The following TMTC2 variants were observed in gnomAD, a reference collection of about 807,000 sequenced individuals.
TMTC2 encodes the protein protein O-mannosyl-transferase TMTC2.
TMTC2 carries 43 observed loss-of-function variants against 82.4 expected under a neutral mutation model. The ratio of observed to expected loss-of-function variants is 0.52; its 90% CI spans 0.41 to 0.67. The LOEUF (loss-of-function observed/expected upper bound fraction) is 0.67, where lower values mean the gene tolerates loss of function less well. Ranked by LOEUF, TMTC2 falls within the 30% of genes least tolerant of loss-of-function variation. The pLI, the probability that TMTC2 is intolerant of heterozygous loss-of-function variation, is 0.00. For missense variants in TMTC2, 919 were observed against 1,012.4 expected (o/e 0.91, Z 1.25); for synonymous variants, 408 against 381.9 (o/e 1.07, Z -0.80).
intron 11 of TMTC2, among the ~76,000 whole-genome samples, chr12:83,106,293 C>T (rs1219461825): frequency 6.6e-6 from 1 of 151,930 alleles, no homozygotes; most frequent in African/African-American, 2.4e-5. Context: ...TGAGGTCAGG[C>T]GTTCGAGACC....
intron 1 of TMTC2, among the ~76,000 whole-genome samples, chr12:82,707,825 C>G (rs1873435531): frequency 6.6e-6 from 1 of 152,182 alleles, no homozygotes; most frequent in Non-Finnish European, 1.5e-5. Context: ...CCTATGAAGT[C>G]CTCTTCTGTT....
intron 1 of TMTC2, among the ~76,000 whole-genome samples, chr12:82,742,430 G>A (rs535331221): frequency 1.3e-5 from 2 of 151,876 alleles, no homozygotes; most frequent in South Asian, 2.1e-4. Flanking sequence ...GCTAGGAACA[G>A]GTAGTAACTG....
At chr12:82,884,090 T>C (rs2137160089) in intron 2 of TMTC2, among the ~76,000 whole-genome samples, 1 of 152,318 alleles carries the variant, frequency 6.6e-6, no homozygotes, top group Admixed American at 6.5e-5. Context: ...GGTTAGGGGC[T>C]ATGGCACACC....
chr12:82,982,353 A>G (rs1037853742), intron 7 of TMTC2, among the ~76,000 whole-genome samples: 8 of 151,794 alleles, frequency 5.3e-5, no homozygotes, highest in African/African-American at 1.7e-4. Context: ...AGTGTCAGGA[A>G]TGTAGCAAGT....
intron 9 of TMTC2, among the ~76,000 whole-genome samples, chr12:83,046,994 T>C (rs907330321): frequency 6.6e-6 from 1 of 152,176 alleles, no homozygotes; most frequent in Non-Finnish European, 1.5e-5. Context: ...TAAGAAGGCG[T>C]CACTAAGAAG....
At chr12:83,045,540 C>T (rs938254636) in intron 9 of TMTC2, among the ~76,000 whole-genome samples, 1 of 151,968 alleles carries the variant, frequency 6.6e-6, no homozygotes, top group African/African-American at 2.4e-5. Flanking sequence ...TTTACCTTTC[C>T]TTATTTTAAT....
In TMTC2 at chr12:82,901,298, A is replaced by T. The variant is rs867936907; in HGVS notation, c.1483+4652A>T. Among the ~76,000 whole-genome samples the T allele has an allele frequency of 1.9e-3, 224 of 117,734 alleles. 7 individuals are homozygous for T. The highest frequency in any genetic ancestry group is 6.7e-3 in the East Asian group (27 of 4,012). The allele number at this position is 117,734 out of a possible 152,430, so 77.2% of individuals were successfully genotyped here. On this transcript the variant is annotated intron_variant, in intron 3 of 11. Coordinates refer to ENST00000321196, the MANE Select transcript of TMTC2 (RefSeq NM_152588.3). ...TAGAGAGAGTAATATATATATATAT[A>T]TATTTTTTTTTCTTTTTTTTTTTTG...
chr12:82,799,469 G>C (rs990972389), intron 1 of TMTC2, among the ~76,000 whole-genome samples: 13 of 152,170 alleles, frequency 8.5e-5, no homozygotes, highest in South Asian at 2.1e-4. Flanking sequence ...GGGGGTACGA[G>C]TTTCCCAGGA....
chr12:82,735,969 T>TCACACACACACA (rs148485109), intron 1 of TMTC2, among the ~76,000 whole-genome samples: 4 of 145,848 alleles, frequency 2.7e-5, no homozygotes, highest in Non-Finnish European at 3.0e-5. Context: ...CGAGACTCCG[T>TCACACACACACA]CACACACACA....
intron 1 of TMTC2, among the ~76,000 whole-genome samples, chr12:82,806,321 G>A (rs1879239422): frequency 6.6e-6 from 1 of 152,140 alleles, no homozygotes; most frequent in South Asian, 2.1e-4. Flanking sequence ...TACTTAAGTA[G>A]TAAGGAGTTA....
In TMTC2 at chr12:83,096,134, A is replaced by T. The variant is rs1201722898; in HGVS notation, c.2331+34303A>T. On this transcript the variant is annotated intron_variant, in intron 11 of 11. Transcript: ENST00000321196. Reference sequence around the variant, plus strand: ...ATCTGGCAGAGTGTATAGTTTGTTTATAATTTCTAGAGCCACAGTTTGAAA... The same window carrying T: ...ATCTGGCAGAGTGTATAGTTTGTTTTTAATTTCTAGAGCCACAGTTTGAAA... Among the ~76,000 whole-genome samples the T allele has an allele frequency of 2.0e-5, 3 of 152,390 alleles. No individual in the cohort carries two copies. In the East Asian group the frequency reaches 5.8e-4, roughly 29 times the overall value.
intron 7 of TMTC2, among the ~76,000 whole-genome samples, 161 bp from the exon 8 acceptor site, chr12:82,985,764 C>A (rs1057303901): frequency 2.0e-5 from 3 of 152,138 alleles, no homozygotes; most frequent in African/African-American, 7.2e-5. Flanking sequence ...AAATGGGAAT[C>A]ATGATGACTT....
intron 11 of TMTC2, among the ~76,000 whole-genome samples, chr12:83,115,223 C>T (rs1884715380): frequency 6.6e-6 from 1 of 152,090 alleles, no homozygotes; most frequent in Non-Finnish European, 1.5e-5. Flanking sequence ...CATGTTCCTC[C>T]TTCCCCTTCA....
intron 1 of TMTC2, among the ~76,000 whole-genome samples, chr12:82,811,536 A>G (rs1216194902): frequency 6.6e-6 from 1 of 152,048 alleles, no homozygotes; most frequent in East Asian, 1.9e-4. Flanking sequence ...AAATCAGTAC[A>G]AATGTATGTA....
chr12:82,810,541 CAA>C (rs1205830812), intron 1 of TMTC2, among the ~76,000 whole-genome samples: 1 of 151,904 alleles, frequency 6.6e-6, no homozygotes, highest in Non-Finnish European at 1.5e-5. Flanking sequence ...GATCCTCTTT[CAA>C]GTATGGGAAG....
intron 1 of TMTC2, chr12:82,758,675 A>G (rs1876463148): frequency 6.6e-6 from 1 of 152,314 alleles, no homozygotes. Flanking sequence ...ATCCTCAAAT[A>G]AAACTGTGGA....
chr12:82,939,916 C>T (rs958857657), intron 4 of TMTC2, among the ~76,000 whole-genome samples: 2 of 150,942 alleles, frequency 1.3e-5, no homozygotes, highest in Admixed American at 1.3e-4. Context: ...GGGTTTTCAT[C>T]GGTTTTGCAG....
At chr12:83,069,302 C>T (rs191822112) in intron 11 of TMTC2, among the ~76,000 whole-genome samples, 1 of 152,282 alleles carries the variant, frequency 6.6e-6, no homozygotes, top group Non-Finnish European at 1.5e-5. Flanking sequence ...TACTAGTTTA[C>T]ATTCCCACCA....
At chr12:82,703,549 A>T (rs1450201904) in intron 1 of TMTC2, among the ~76,000 whole-genome samples, 16 of 141,410 alleles carry the variant, frequency 1.1e-4, no homozygotes, top group African/African-American at 4.3e-4. Context: ...CCCAGGCTGG[A>T]GTGCAGTGGC....
Sources: gnomAD v4.1 joint callset for allele counts (sites outside exome capture counted in the v4.1 genomes callset) on GRCh38, gnomAD v4.1.1 for gene constraint, MANE v1.5 for transcripts, NCBI Gene and HGNC (gene_info 2026-07-23, HGNC 2026-07-21) for gene names.